The following PNLIP variants were observed in gnomAD, a reference collection of about 807,000 sequenced individuals.
PNLIP encodes the protein pancreatic lipase.
PNLIP carries 49 observed loss-of-function variants against 57.1 expected under a neutral mutation model. That is an observed-to-expected ratio of 0.86 (90% CI 0.68 to 1.09). PNLIP has a LOEUF of 1.09. Among genes scored for constraint, PNLIP ranks in the 50% least tolerant of loss-of-function variants. The probability of loss-of-function intolerance (pLI) is 0.00; values close to 1 mark genes in which losing one functional copy is unlikely to be tolerated. For synonymous variants in PNLIP, 209 were observed against 200.4 expected, an observed-to-expected ratio of 1.04 and a Z score of -0.36; for missense variants, 503 against 570.2, an observed-to-expected ratio of 0.88 and a Z score of 1.20.
chr10:116,561,722 C>T, intron 12 of PNLIP, 86 bp downstream of exon 12: 2 of 1,208,362 alleles, frequency 1.7e-6, no homozygotes, highest in East Asian at 2.3e-5. Context: ...TTAAGTGAAA[C>T]CTCCTACAGG....
intron 6 of PNLIP, 31 bp downstream of exon 6, chr10:116,553,869 G>A: frequency 5.1e-6 from 7 of 1,384,346 alleles, no homozygotes; most frequent in African/African-American, 1.4e-5. Flanking sequence ...ATACCAGGGG[G>A]GTTGAGGCAA....
intron 12 of PNLIP, among the ~76,000 whole-genome samples, chr10:116,566,557 A>G (rs1434970491): frequency 3.3e-5 from 5 of 152,172 alleles, no homozygotes; most frequent in Non-Finnish European, 7.3e-5. Flanking sequence ...TGTACAGTTT[A>G]TTCCAGGTAA....
At chr10:116,553,050 T>G (rs1847212313) in intron 5 of PNLIP, among the ~76,000 whole-genome samples, 1 of 152,182 alleles carries the variant, frequency 6.6e-6, no homozygotes, top group South Asian at 2.1e-4. Flanking sequence ...CAGAGCAACT[T>G]CCAGTCCTGC....
intron 11 of PNLIP, 135 bp downstream of exon 11, chr10:116,560,659 C>T: frequency 2.1e-6 from 1 of 483,006 alleles, no homozygotes; most frequent in Non-Finnish European, 3.6e-6. Context: ...CTCACTACAA[C>T]CTCTGCCTCT....
Position 116,563,206 on chromosome 10 carries a change from C to T in PNLIP, c.1334+1570C>T, listed in dbSNP as rs117345861. 2.3e-3 allele frequency among the ~76,000 whole-genome samples: 356 copies of T among 152,008 alleles called. 1 individual carries two copies. The highest frequency in any genetic ancestry group is 5.0e-3 in the Admixed American group (77 of 15,268). On this transcript the variant is annotated intron_variant, in intron 12 of 12. Transcript: ENST00000369221. Reference sequence around the variant, plus strand: ...TTTCTCATCCAAAATGCTTGAGATCCGAAGTGATTCAGATTTTGAATTTCT... The same window carrying T: ...TTTCTCATCCAAAATGCTTGAGATCTGAAGTGATTCAGATTTTGAATTTCT...
chr10:116,548,376 C>A lies in PNLIP; in HGVS notation c.218C>A (p.Ser73Ter). The part of the protein sequence containing the change: ...PNNFQEVAAD[S>*]SSISGSNFKT... ...TCTAAACAGGAAGTTGCCGCAGATT[C>A]ATCAAGCATCAGTGGCTCCAATTTC... is the stretch of plus-strand genomic sequence containing the variant. Residue 73 changes from serine (S) to a stop codon, truncating the protein, a stop_gained, in exon 4 of 13, where the codon TCA (serine) becomes TAA (stop). Transcript: ENST00000369221. LOFTEE classifies it high-confidence loss of function. The A allele has an allele frequency of 6.2e-7, 1 of 1,614,026 alleles. No individual in the cohort carries two copies. The highest frequency in any genetic ancestry group is 8.5e-7 in the Non-Finnish European group (1 of 1,179,908).
chr10:116,566,006 G>A (rs1056706891), intron 12 of PNLIP, among the ~76,000 whole-genome samples: 1 of 152,062 alleles, frequency 6.6e-6, no homozygotes, highest in Admixed American at 6.5e-5. Flanking sequence ...ACTGGTTTTC[G>A]TCATGTTGGC....
chr10:116,556,683 T>C (rs1003828605), intron 9 of PNLIP, among the ~76,000 whole-genome samples: 5 of 152,268 alleles, frequency 3.3e-5, no homozygotes, highest in Non-Finnish European at 7.4e-5. Flanking sequence ...TTCCTCTTGG[T>C]TGAATTCTTT....
At chr10:116,560,300 C>T in intron 10 of PNLIP, 116 bp from the exon 11 acceptor site, 1 of 605,874 alleles carries the variant, frequency 1.7e-6, no homozygotes, top group South Asian at 2.0e-5. Flanking sequence ...CACACACACA[C>T]ACACACACAA....
intron 2 of PNLIP, among the ~76,000 whole-genome samples, chr10:116,546,601 TA>T (rs1847128244): frequency 6.6e-6 from 1 of 152,132 alleles, no homozygotes; most frequent in Admixed American, 6.5e-5. Flanking sequence ...CTCCTAGGAT[TA>T]TTGTGAGAAT....
Position 116,559,220 on chromosome 10 carries a change from G to T in PNLIP, c.997G>T (p.Gly333Trp). The part of the protein sequence containing the change: ...QMGHYADRYP[G>W]KTNDVGQKFY... ...GGGTCACTATGCTGATAGATATCCT[G>T]GGAAAACAAATGATGTGGGCCAGAA... The change falls in exon 10 of 13, where the codon GGG becomes TGG. Residue 333 changes from glycine (G) to tryptophan (W), a missense_variant. Coordinates refer to ENST00000369221, the MANE Select transcript of PNLIP (RefSeq NM_000936.4). The T allele has an allele frequency of 6.2e-7, 1 of 1,613,974 alleles. No homozygotes were observed. The highest frequency in any genetic ancestry group is 2.2e-5 in the East Asian group (1 of 44,868).
intron 5 of PNLIP, among the ~76,000 whole-genome samples, chr10:116,553,051 C>G (rs1847212332): frequency 6.6e-6 from 1 of 152,178 alleles, no homozygotes; most frequent in Non-Finnish European, 1.5e-5. Flanking sequence ...AGAGCAACTT[C>G]CAGTCCTGCA....
chr10:116,554,461 G>A (rs1269723477), intron 6 of PNLIP, among the ~76,000 whole-genome samples: 3 of 152,198 alleles, frequency 2.0e-5, no homozygotes. Flanking sequence ...ATAACGAATA[G>A]TATTTTACAA....
Position 116,548,463 on chromosome 10 carries a change from G to A in PNLIP, c.305G>A (p.Trp102Ter), listed in dbSNP as rs1847154655. The A allele has an allele frequency of 1.2e-6, 2 of 1,614,014 alleles. No homozygotes were observed. Among genetic ancestry groups the A allele is most frequent in the Non-Finnish European group, 1.7e-6 (2 of 1,179,944 alleles). ...TTCATAGACAAGGGAGAAGAAAACT[G>A]GCTGGCCAATGTGTGCAAGGTGAGA... is the stretch of plus-strand genomic sequence containing the variant. ...HGFIDKGEEN[W>*]LANVCKNLFK... The change falls in exon 4 of 13, where the codon TGG becomes TAG. Residue 102 changes from tryptophan (W) to a stop codon, truncating the protein, a stop_gained. Coordinates refer to ENST00000369221, the MANE Select transcript of PNLIP (RefSeq NM_000936.4). LOFTEE classifies it high-confidence loss of function.
chr10:116,553,864 A>AG (rs772266388), intron 6 of PNLIP, 26 bp downstream of exon 6: 7 of 1,398,572 alleles, frequency 5.0e-6, no homozygotes, highest in Non-Finnish European at 6.0e-6. Flanking sequence ...GAAAGATACC[A>AG]GGGGGGTTGA....
intron 9 of PNLIP, among the ~76,000 whole-genome samples, chr10:116,557,976 CG>C (rs985722619): frequency 6.6e-5 from 10 of 151,672 alleles, no homozygotes; most frequent in Non-Finnish European, 1.3e-4. Flanking sequence ...TGAAAAAAGC[CG>C]GGCGCGGTGG....
chr10:116,553,676 C>A, intron 5 of PNLIP, 51 bp from the exon 6 acceptor site: 2 of 1,033,422 alleles, frequency 1.9e-6, no homozygotes, highest in Non-Finnish European at 3.0e-6. Flanking sequence ...TGTTGTTGAG[C>A]AACTCATGAC....
intron 2 of PNLIP, among the ~76,000 whole-genome samples, chr10:116,546,625 G>A (rs1337013314): frequency 2.0e-5 from 3 of 152,176 alleles, no homozygotes; most frequent in Non-Finnish European, 4.4e-5. Context: ...GGTCAGATTA[G>A]TAAACCATCC....
At chr10:116,567,145 TTC>T (rs1280294075) in intron 12 of PNLIP, among the ~76,000 whole-genome samples, 2 of 147,610 alleles carry the variant, frequency 1.4e-5, no homozygotes, top group Non-Finnish European at 3.0e-5. Flanking sequence ...CTTTCTTTTC[TTC>T]TCTTTCTTTC....
Sources: allele counts gnomAD v4.1 joint callset (sites outside exome capture counted in the v4.1 genomes callset), GRCh38; gene constraint gnomAD v4.1.1; transcripts MANE v1.5; gene names NCBI Gene and HGNC (gene_info 2026-07-23, HGNC 2026-07-21).